The following PTPRT variants were observed in gnomAD, a reference collection of about 807,000 sequenced individuals.
PTPRT encodes the protein receptor-type tyrosine-protein phosphatase T.
PTPRT carries 56 observed loss-of-function variants against 176.8 expected under a neutral mutation model. The ratio of observed to expected loss-of-function variants is 0.32; its 90% CI spans 0.26 to 0.40. The LOEUF (loss-of-function observed/expected upper bound fraction) is 0.40, where lower values mean the gene tolerates loss of function less well. Ranked by LOEUF, PTPRT falls within the 10% of genes least tolerant of loss-of-function variation. The pLI is 1.00. For synonymous variants in PTPRT, 783 were observed against 739.0 expected, an observed-to-expected ratio of 1.06 and a Z score of -0.96; for missense variants, 1,540 against 1,908.2, an observed-to-expected ratio of 0.81 and a Z score of 3.60.
chr20:42,598,899 G>T (rs2073724822), intron 7 of PTPRT, among the ~76,000 whole-genome samples: 1 of 152,206 alleles, frequency 6.6e-6, no homozygotes, highest in Admixed American at 6.5e-5. Context: ...CACAGGGCCT[G>T]CCACAGAGTA....
intron 2 of PTPRT, among the ~76,000 whole-genome samples, chr20:42,852,343 A>G (rs183846752): frequency 2.2e-3 from 329 of 151,862 alleles, no homozygotes; most frequent in Admixed American, 6.6e-3. Flanking sequence ...TTGTTCCTGC[A>G]TTTTTTTTAT....
chr20:42,680,491 A>G (rs2075584611), intron 6 of PTPRT, among the ~76,000 whole-genome samples: 1 of 152,236 alleles, frequency 6.6e-6, no homozygotes, highest in African/African-American at 2.4e-5. Context: ...TGTTAAATAT[A>G]TGGAACCTTT....
At chr20:42,108,684 A>G (rs1986727178) in intron 23 of PTPRT, among the ~76,000 whole-genome samples, 1 of 152,246 alleles carries the variant, frequency 6.6e-6, no homozygotes, top group Non-Finnish European at 1.5e-5. Flanking sequence ...GTCCTGAAGG[A>G]TTAATAAATA....
At position 42,163,377 on chromosome 20, in the gene PTPRT, C is replaced by T. The variant is rs180690226; in HGVS notation, c.2492-1835G>A. Among the ~76,000 whole-genome samples the T allele has an allele frequency of 3.1e-3, 479 of 152,306 alleles. 3 individuals carry two copies. Among genetic ancestry groups the T allele is most frequent in the Middle Eastern group, 0.014 (4 of 294 alleles). On this transcript the variant is annotated intron_variant, in intron 16 of 30. Transcript: ENST00000373187. Reference sequence around the variant, plus strand: ...ACAAGAAAGAAGGGCCTAGGCAAGTCGTTAGCAAAACCTTCCTGACTGCAC... The same window carrying T: ...ACAAGAAAGAAGGGCCTAGGCAAGTTGTTAGCAAAACCTTCCTGACTGCAC...
chr20:42,563,170 T>G (rs1364024939), intron 7 of PTPRT, among the ~76,000 whole-genome samples: 1 of 152,164 alleles, frequency 6.6e-6, no homozygotes, highest in Non-Finnish European at 1.5e-5. Flanking sequence ...ACACATATTA[T>G]CCTTAATACG....
At chr20:42,492,536 C>A (rs969478156) in intron 7 of PTPRT, among the ~76,000 whole-genome samples, 3 of 151,966 alleles carry the variant, frequency 2.0e-5, no homozygotes, top group African/African-American at 7.2e-5. Context: ...TAAATTTAAA[C>A]TTTTAGACTT....
chr20:42,657,601 T>C (rs1048924430), intron 7 of PTPRT, among the ~76,000 whole-genome samples: 7 of 152,192 alleles, frequency 4.6e-5, no homozygotes, highest in African/African-American at 1.7e-4. Flanking sequence ...AATGAAAAAC[T>C]GCATTGTTTA....
chr20:42,773,738 A>G (rs1049462097), intron 4 of PTPRT, among the ~76,000 whole-genome samples: 4 of 152,228 alleles, frequency 2.6e-5, no homozygotes, highest in Non-Finnish European at 5.9e-5. Flanking sequence ...AAATGGGAAT[A>G]GAGTGAACCT....
chr20:42,228,211 T>C (rs149375641), intron 15 of PTPRT, among the ~76,000 whole-genome samples: 307 of 152,330 alleles, frequency 2.0e-3, no homozygotes, highest in African/African-American at 7.1e-3. Flanking sequence ...ATGAACACAA[T>C]TACTTTTGCA....
chr20:42,055,958 G>A, the PTPRT span, among the ~76,000 whole-genome samples: 6 of 152,124 alleles, frequency 3.9e-5, no homozygotes, highest in Admixed American at 6.5e-5. Flanking sequence ...TGATCAAAGC[G>A]TGGGTAGGTT....
intron 6 of PTPRT, among the ~76,000 whole-genome samples, chr20:42,742,247 C>T (rs1173238995): frequency 2.6e-5 from 4 of 152,238 alleles, no homozygotes; most frequent in Non-Finnish European, 1.5e-5. Context: ...ATGGCATTGT[C>T]TGCATGCTGT....
In PTPRT at chr20:42,761,768, T is replaced by C. The variant is rs146340720; in HGVS notation, c.685-5132A>G. Reference sequence around the variant, plus strand: ...ATGGGGATTGGAATTCTTCAGGTCTTGCTGATGCTGCTGGTCCATGAACCT... The same window carrying C: ...ATGGGGATTGGAATTCTTCAGGTCTCGCTGATGCTGCTGGTCCATGAACCT... On this transcript the variant is annotated intron_variant, in intron 5 of 30. Transcript: ENST00000373187. Among the ~76,000 whole-genome samples the C allele has an allele frequency of 2.0e-5, 3 of 152,334 alleles. No homozygotes were observed. In the East Asian group the frequency reaches 5.8e-4, roughly 29 times the overall value.
At chr20:42,750,329 T>G (rs1410842032) in intron 6 of PTPRT, among the ~76,000 whole-genome samples, 1 of 152,124 alleles carries the variant, frequency 6.6e-6, no homozygotes, top group African/African-American at 2.4e-5. Flanking sequence ...ATATATATTA[T>G]GCTATATATA....
At chr20:42,678,282 T>C in intron 6 of PTPRT, 123 bp from the exon 7 acceptor site, 1 of 875,794 alleles carries the variant, frequency 1.1e-6, no homozygotes. Flanking sequence ...CAGAAACCCC[T>C]TTTTGTTTTA....
intron 16 of PTPRT, among the ~76,000 whole-genome samples, chr20:42,177,017 C>A (rs953988768): frequency 1.6e-4 from 25 of 152,310 alleles, no homozygotes; most frequent in African/African-American, 5.3e-4. Context: ...AGTTACAAGA[C>A]CTGAGTTTTC....
intron 1 of PTPRT, among the ~76,000 whole-genome samples, chr20:42,912,904 T>A (rs1379262863): frequency 2.6e-5 from 4 of 152,324 alleles, no homozygotes; most frequent in African/African-American, 9.6e-5. Flanking sequence ...ATGTTGTAAT[T>A]ATTATGGATC....
chr20:42,476,536 G>A (rs969970556), intron 7 of PTPRT, among the ~76,000 whole-genome samples: 1 of 152,188 alleles, frequency 6.6e-6, no homozygotes, highest in African/African-American at 2.4e-5. Context: ...CTTGGAAAAT[G>A]TGCTCATGTG....
At chr20:42,968,546 G>A (rs1027970460) in intron 1 of PTPRT, among the ~76,000 whole-genome samples, 4 of 152,138 alleles carry the variant, frequency 2.6e-5, no homozygotes, top group Non-Finnish European at 5.9e-5. Context: ...GAACGGCTGC[G>A]AGTTATGAAA....
In PTPRT at chr20:42,584,543, C is replaced by T. The variant is rs147112432; in HGVS notation, c.1153+93323G>A. On this transcript the variant is annotated intron_variant, in intron 7 of 30. Transcript: ENST00000373187. ...CTGATATCTTACCTAAAACAGGAGTCCTTTTCTTCCACCTCAGCCCTCTGG... is the reference window on the plus strand; with the variant it reads ...CTGATATCTTACCTAAAACAGGAGTTCTTTTCTTCCACCTCAGCCCTCTGG... 3.2e-3 allele frequency among the ~76,000 whole-genome samples: 483 copies of T among 152,280 alleles called. 3 individuals carry two copies. The highest frequency in any genetic ancestry group is 0.011 in the African/African-American group (453 of 41,550).
Sources: allele counts gnomAD v4.1 joint callset (sites outside exome capture counted in the v4.1 genomes callset), GRCh38; gene constraint gnomAD v4.1.1; transcripts MANE v1.5; gene names NCBI Gene and HGNC (gene_info 2026-07-23, HGNC 2026-07-21).